TAAR2: variants seen among roughly 807,000 people sequenced by gnomAD.
TAAR2 encodes trace amine-associated receptor 2.
A neutral mutation model predicts 25.5 loss-of-function variants in TAAR2; 30 were observed. The observed-to-expected ratio is 1.18, with a 90% CI of 0.88 to 1.60. The LOEUF (loss-of-function observed/expected upper bound fraction) is 1.60, where lower values mean the gene tolerates loss of function less well. TAAR2 is among the 40% of genes most tolerant of loss of function. The pLI, the probability that TAAR2 is intolerant of heterozygous loss-of-function variation, is 0.00. For missense variants in TAAR2, 481 were observed against 416.5 expected, an observed-to-expected ratio of 1.15 and a Z score of -1.35; for synonymous variants, 150 against 142.4, an observed-to-expected ratio of 1.05 and a Z score of -0.38.
intron 1 of TAAR2, among the ~76,000 whole-genome samples, chr6:132,623,858 G>A (rs4129256): frequency 0.17 from 26,505 of 151,828 alleles, 2,503 homozygotes; most frequent in South Asian, 0.22. Flanking sequence ...ATTACATAAA[G>A]GCTGTGAAAA....
intron 1 of TAAR2, among the ~76,000 whole-genome samples, chr6:132,622,113 C>T (rs765441080): frequency 1.8e-4 from 27 of 151,760 alleles, no homozygotes; most frequent in Admixed American, 4.6e-4. Flanking sequence ...CAGATCTTTT[C>T]GCCATTACTG....
At chr6:132,621,845 A>G (rs1436284955) in intron 1 of TAAR2, among the ~76,000 whole-genome samples, 1 of 152,192 alleles carries the variant, frequency 6.6e-6, no homozygotes, top group African/African-American at 2.4e-5. Context: ...AATTCATCAA[A>G]TAATAATTTT....
In TAAR2 at chr6:132,617,398, C is replaced by T. The variant is rs1777307180; in HGVS notation, c.808G>A (p.Val270Ile). 6.2e-7 allele frequency: 1 copy of T among 1,613,750 alleles called. No homozygotes were observed. The highest frequency in any genetic ancestry group is 8.5e-7 in the Non-Finnish European group (1 of 1,179,896). ...CAAGGAAACCAACATAATAAGAAAACTCCTATCACTATTCCTAAAGTTTTG... is the reference window on the plus strand; with the variant it reads ...CAAGGAAACCAACATAATAAGAAAATTCCTATCACTATTCCTAAAGTTTTG... Reference protein sequence around the residue: ...AAKTLGIVIGVFLLCWFPCFF... With the variant: ...AAKTLGIVIGIFLLCWFPCFF... The change falls in exon 2 of 2, where the codon GTT (valine) becomes ATT (isoleucine). Residue 270 changes from valine to isoleucine, a missense_variant. Val to Ile is a conservative substitution (Grantham distance 29). Coordinates refer to ENST00000367931, the MANE Select transcript of TAAR2 (RefSeq NM_001033080.1).
chr6:132,617,765 G>C lies in TAAR2; in HGVS notation c.441C>G (p.Tyr147Ter), dbSNP rs762051495. Residue 147 changes from tyrosine to a stop codon, truncating the protein, a stop_gained, in exon 2 of 2, where the codon TAC becomes TAG. Coordinates refer to ENST00000367931, the MANE Select transcript of TAAR2 (RefSeq NM_001033080.1). LOFTEE classifies it high-confidence loss of function. Reference sequence around the variant, plus strand: ...TTATTTTGGTGGAATAAAGTAATGGGTAACATATAGCATAAAATCTATCAA... The same window carrying C: ...TTATTTTGGTGGAATAAAGTAATGGCTAACATATAGCATAAAATCTATCAA... ...VAIDRFYAIC[Y>*]PLLYSTKITI... is the part of the protein sequence containing the mutation. 1 of 1,614,010 alleles carries C rather than the reference G, an allele frequency of 6.2e-7. No homozygotes were observed. Among genetic ancestry groups the C allele is most frequent in the Non-Finnish European group, 8.5e-7 (1 of 1,179,984 alleles).
intron 1 of TAAR2, 140 bp from the exon 2 acceptor site, chr6:132,618,285 C>G: frequency 1.2e-6 from 1 of 813,658 alleles, no homozygotes; most frequent in Non-Finnish European, 1.8e-6. Context: ...CATGATCTTT[C>G]CCATTTACTT....
At chr6:132,621,474 A>G (rs1029346290) in intron 1 of TAAR2, among the ~76,000 whole-genome samples, 11 of 151,686 alleles carry the variant, frequency 7.3e-5, no homozygotes, top group Admixed American at 7.2e-4. Context: ...GTCCACGTGT[A>G]CTCTTGTTAA....
Position 132,617,689 on chromosome 6 carries a change from C to G in TAAR2, c.517G>C (p.Ala173Pro). The G allele has an allele frequency of 1.2e-6, 2 of 1,613,928 alleles. No individual in the cohort carries two copies. The highest frequency in any genetic ancestry group is 1.7e-6 in the Non-Finnish European group (2 of 1,179,988). Residue 173 changes from alanine (A) to proline (P), a missense_variant, in exon 2 of 2, where the codon GCA (alanine) becomes CCA (proline). Physicochemically the swap from Ala to Pro is conservative, Grantham distance 27. Coordinates refer to ENST00000367931, the MANE Select transcript of TAAR2 (RefSeq NM_001033080.1). Reference protein sequence around the residue: ...LLLLCWSVPGAFAFGVVFSEA... With the variant: ...LLLLCWSVPGPFAFGVVFSEA... Reference sequence around the variant, plus strand: ...GAGAAGACCACCCCGAAGGCAAATGCTCCAGGGACCGACCAACATAGAAGT... The same window carrying G: ...GAGAAGACCACCCCGAAGGCAAATGGTCCAGGGACCGACCAACATAGAAGT...
Position 132,617,614 on chromosome 6 carries a change from A to T in TAAR2, c.592T>A (p.Ser198Thr). The T allele has an allele frequency of 6.2e-7, 1 of 1,614,024 alleles. No individual in the cohort carries two copies. The highest frequency in any genetic ancestry group is 8.5e-7 in the Non-Finnish European group (1 of 1,179,964). ...IEGYDILVAC[S>T]SSCPVMFNKL... is the part of the protein sequence containing the mutation. ...TTGAACATCACTGGGCAGGAACTGG[A>T]ACAAGCAACCAAGATGTCATAGCCC... The change falls in exon 2 of 2, where the codon TCC becomes ACC. Residue 198 changes from serine to threonine, a missense_variant. By Grantham distance (58) the Ser-to-Thr change is moderately conservative. Transcript: ENST00000367931.
At chr6:132,618,750 T>C (rs1232288946) in intron 1 of TAAR2, among the ~76,000 whole-genome samples, 1 of 152,126 alleles carries the variant, frequency 6.6e-6, no homozygotes, top group African/African-American at 2.4e-5. Flanking sequence ...AAAAACAAAT[T>C]ATTGAGCTGT....
At position 132,617,423 on chromosome 6, in the gene TAAR2, G is replaced by A; in HGVS notation, c.783C>T (p.Ala261=). 6.2e-7 allele frequency: 1 copy of A among 1,613,542 alleles called. No individual in the cohort carries two copies. Among genetic ancestry groups the A allele is most frequent in the South Asian group, 1.1e-5 (1 of 91,002 alleles). Residue 261 remains alanine, a synonymous_variant, in exon 2 of 2, where the codon GCC becomes GCT. Transcript: ENST00000367931. ...CTCCTATCACTATTCCTAAAGTTTTGGCAGCTTTTTTGTCTTTCTTCACTT... is the reference window on the plus strand; with the variant it reads ...CTCCTATCACTATTCCTAAAGTTTTAGCAGCTTTTTTGTCTTTCTTCACTT... ...NNQVKKDKKA[A]KTLGIVIGVF... is the part of the protein sequence containing the mutation.
At chr6:132,624,148 C>A in intron 1 of TAAR2, 68 bp downstream of exon 1, 1 of 1,439,598 alleles carries the variant, frequency 6.9e-7, no homozygotes, top group South Asian at 1.2e-5. Context: ...GTAAATAATT[C>A]ACATGTTTAT....
chr6:132,622,330 A>C (rs1051448243), intron 1 of TAAR2, among the ~76,000 whole-genome samples: 2 of 151,126 alleles, frequency 1.3e-5, no homozygotes, highest in African/African-American at 4.8e-5. Context: ...ATTATTTATT[A>C]TTATTATTTT....
At chr6:132,620,594 C>T (rs1035372934) in intron 1 of TAAR2, among the ~76,000 whole-genome samples, 4 of 151,912 alleles carry the variant, frequency 2.6e-5, no homozygotes, top group African/African-American at 4.8e-5. Flanking sequence ...AAGAAGGAAA[C>T]GACAGACACT....
At chr6:132,621,189 T>A (rs1463752618) in intron 1 of TAAR2, among the ~76,000 whole-genome samples, 1 of 151,610 alleles carries the variant, frequency 6.6e-6, no homozygotes, top group African/African-American at 2.4e-5. Flanking sequence ...ATAACGAACA[T>A]CCTTTTAAAA....
chr6:132,621,028 A>T (rs1777364625), intron 1 of TAAR2, among the ~76,000 whole-genome samples: 1 of 150,596 alleles, frequency 6.6e-6, no homozygotes, highest in Non-Finnish European at 1.5e-5. Flanking sequence ...CTGAGAGAAA[A>T]TGCAGTATTA....
rs780102750 is a variant in TAAR2 at position 132,617,773 on chromosome 6, T to C, written c.433A>G (p.Ile145Val). ...GTGGAATAAAGTAATGGGTAACATA[T>C]AGCATAAAATCTATCAATGGCCACT... is the stretch of plus-strand genomic sequence containing the variant. ...CSVAIDRFYA[I>V]CYPLLYSTKI... is the part of the protein sequence containing the mutation. The change falls in exon 2 of 2, where the codon ATA (isoleucine) becomes GTA (valine). Residue 145 changes from isoleucine to valine, a missense_variant. By Grantham distance (29) the Ile-to-Val change is conservative. Coordinates refer to ENST00000367931, the MANE Select transcript of TAAR2 (RefSeq NM_001033080.1). 3.7e-6 allele frequency: 6 copies of C among 1,613,934 alleles called. No individual in the cohort carries two copies. The African/African-American group carries it at 4.0e-5, about 11-fold the overall frequency.
At chr6:132,621,113 G>A (rs1777365948) in intron 1 of TAAR2, among the ~76,000 whole-genome samples, 1 of 150,594 alleles carries the variant, frequency 6.6e-6, no homozygotes, top group Admixed American at 6.6e-5. Flanking sequence ...AGCAAATTTT[G>A]TTGGTTTATT....
chr6:132,618,448 T>C (rs950974451), intron 1 of TAAR2, among the ~76,000 whole-genome samples: 2 of 152,122 alleles, frequency 1.3e-5, no homozygotes, highest in African/African-American at 4.8e-5. Context: ...GAGACTAGCC[T>C]GGCCAACATG....
chr6:132,618,161 A>G lies in TAAR2; in HGVS notation c.61-16T>C. The G allele has an allele frequency of 6.5e-7, 1 of 1,546,646 alleles. No individual in the cohort carries two copies. Among genetic ancestry groups the G allele is most frequent in the Non-Finnish European group, 8.7e-7 (1 of 1,151,254 alleles). ...TGAATTTTTCCTTCAAAAAACAAGA[A>G]CAGATAGAATTTTGTCAGAATATAA... On this transcript the variant is annotated splice_polypyrimidine_tract_variant and intron_variant, in intron 1 of 1. Coordinates refer to ENST00000367931, the MANE Select transcript of TAAR2 (RefSeq NM_001033080.1).
Sources: gnomAD v4.1 joint callset for allele counts (sites outside exome capture counted in the v4.1 genomes callset) on GRCh38, gnomAD v4.1.1 for gene constraint, MANE v1.5 for transcripts, NCBI Gene and HGNC (gene_info 2026-07-23, HGNC 2026-07-21) for gene names.